The following AUTS2 variants were observed in gnomAD, a reference collection of about 807,000 sequenced individuals.
AUTS2 encodes activator of transcription and developmental regulator AUTS2.
A neutral mutation model predicts 112.4 loss-of-function variants in AUTS2; 17 were observed. The ratio of observed to expected loss-of-function variants is 0.15; its 90% confidence interval spans 0.10 to 0.23. The LOEUF is 0.23. AUTS2 is among the 10% of genes least tolerant of loss of function. The pLI, the probability that AUTS2 is intolerant of heterozygous loss-of-function variation, is 1.00. For missense variants in AUTS2, 1,510 were observed against 1,701.6 expected (o/e 0.89, Z 1.98); for synonymous variants, 751 against 702.7 (o/e 1.07, Z -1.09).
At chr7:70,789,301 T>C (rs889690491) in intron 18 of AUTS2, among the ~76,000 whole-genome samples, 4 of 152,192 alleles carry the variant, frequency 2.6e-5, no homozygotes, top group Admixed American at 6.5e-5. Flanking sequence ...GGTTCAGTGT[T>C]GCAAAGTTGG....
chr7:70,630,897 C>G (rs941422549), intron 5 of AUTS2, among the ~76,000 whole-genome samples: 3 of 152,182 alleles, frequency 2.0e-5, no homozygotes, highest in African/African-American at 7.2e-5. Context: ...TGAAAGAAAA[C>G]CACTCTGGTA....
chr7:70,375,739 ATTTGC>A (rs1348585587), intron 4 of AUTS2, among the ~76,000 whole-genome samples: 2 of 152,110 alleles, frequency 1.3e-5, no homozygotes, highest in East Asian at 3.9e-4. Flanking sequence ...GGTTGGTGAG[ATTTGC>A]TTTATTTCCT....
At chr7:70,171,939 G>T (rs962877588) in intron 4 of AUTS2, among the ~76,000 whole-genome samples, 1 of 150,076 alleles carries the variant, frequency 6.7e-6, no homozygotes, top group South Asian at 2.1e-4. Context: ...TTCTTTTCTT[G>T]GTCAGAGCTT....
intron 2 of AUTS2, among the ~76,000 whole-genome samples, chr7:69,951,597 G>C (rs558407429): frequency 4.6e-5 from 7 of 152,106 alleles, no homozygotes; most frequent in Admixed American, 6.6e-5. Context: ...AAGGCTGTTT[G>C]AGAAACAGCC....
intron 1 of AUTS2, among the ~76,000 whole-genome samples, chr7:69,601,315 A>G (rs1230888332): frequency 2.7e-5 from 4 of 150,296 alleles, no homozygotes; most frequent in Admixed American, 6.6e-5. Context: ...TTGCGTTATT[A>G]TGGTATTGTT....
intron 5 of AUTS2, among the ~76,000 whole-genome samples, chr7:70,479,910 G>A (rs539997871): frequency 2.0e-5 from 3 of 152,314 alleles, no homozygotes; most frequent in East Asian, 1.9e-4. Flanking sequence ...AGACGATAAC[G>A]AGGGTGATAT....
intron 2 of AUTS2, among the ~76,000 whole-genome samples, chr7:70,020,712 G>A (rs1054574257): frequency 6.6e-6 from 1 of 151,380 alleles, no homozygotes; most frequent in African/African-American, 2.4e-5. Context: ...TTCTTTTTGA[G>A]GTAGGGCCTC....
At chr7:70,662,446 T>C (rs1291599889) in intron 5 of AUTS2, among the ~76,000 whole-genome samples, 1 of 152,168 alleles carries the variant, frequency 6.6e-6, no homozygotes, top group African/African-American at 2.4e-5. Context: ...GCAGGTGACC[T>C]GCAGGATAAT....
At chr7:70,340,425 A>G (rs1247325915) in intron 4 of AUTS2, among the ~76,000 whole-genome samples, 1 of 152,028 alleles carries the variant, frequency 6.6e-6, no homozygotes, top group Non-Finnish European at 1.5e-5. Flanking sequence ...GAATCTCACT[A>G]TTTATTTCAC....
chr7:70,443,937 A>G (rs1796216458), intron 5 of AUTS2, among the ~76,000 whole-genome samples: 1 of 152,212 alleles, frequency 6.6e-6, no homozygotes. Flanking sequence ...GGTAATGACC[A>G]TTACTTGATC....
chr7:70,235,303 A>T (rs1409047499), intron 4 of AUTS2, among the ~76,000 whole-genome samples: 8 of 143,508 alleles, frequency 5.6e-5, no homozygotes, highest in South Asian at 2.2e-4. Context: ...ATGGCTAATT[A>T]AAAAAAAAAA....
intron 6 of AUTS2, among the ~76,000 whole-genome samples, chr7:70,724,482 G>A (rs1173281546): frequency 1.2e-5 from 1 of 86,792 alleles, no homozygotes; most frequent in Non-Finnish European, 2.2e-5. Flanking sequence ...GTCTCGCTTT[G>A]TCGCCCAGGC....
At chr7:70,355,038 G>A (rs1791936808) in intron 4 of AUTS2, among the ~76,000 whole-genome samples, 2 of 150,090 alleles carry the variant, frequency 1.3e-5, no homozygotes, top group South Asian at 4.3e-4. Flanking sequence ...GGGTGTGTGT[G>A]TATGTATGTG....
intron 2 of AUTS2, among the ~76,000 whole-genome samples, chr7:69,927,611 A>G (rs1182107447): frequency 2.6e-5 from 4 of 152,032 alleles, no homozygotes. Flanking sequence ...TGTGCTACCA[A>G]CCTCGGTCCT....
chr7:70,030,242 TTGAATTGTACAA>T (rs1466849924), intron 2 of AUTS2, among the ~76,000 whole-genome samples: 1 of 152,196 alleles, frequency 6.6e-6, no homozygotes, highest in Non-Finnish European at 1.5e-5. Flanking sequence ...GTGAAAACCA[TTGAATTGTACAA>T]TGAATGTGAT....
At chr7:69,638,632 C>A (rs1406335024) in intron 1 of AUTS2, among the ~76,000 whole-genome samples, 1 of 151,674 alleles carries the variant, frequency 6.6e-6, no homozygotes, top group Admixed American at 6.6e-5. Flanking sequence ...TTCTTTTTTC[C>A]TTACTTTCTT....
rs1056550806 is a variant in AUTS2, at chr7:69,896,437, A to G, written c.310-2849A>G. On this transcript the variant is annotated intron_variant, in intron 1 of 18. Transcript: ENST00000342771. The stretch of plus-strand genomic sequence containing the variant: ...CTGCTTATTTGCCTTGTGGACTGTT[A>G]TCTTTGATATCTTCTTACTCTTAAG... Among the ~76,000 whole-genome samples the G allele has an allele frequency of 2.3e-4, 35 of 152,148 alleles. No homozygotes were observed. The Middle Eastern group carries it at 0.024, about 104-fold the overall frequency.
intron 2 of AUTS2, among the ~76,000 whole-genome samples, chr7:70,058,464 A>C (rs978768627): frequency 6.6e-6 from 1 of 152,178 alleles, no homozygotes; most frequent in Admixed American, 6.5e-5. Flanking sequence ...GCATTATTTC[A>C]ATTCCAAGAG....
chr7:70,265,492 A>C (rs1275819571), intron 4 of AUTS2, among the ~76,000 whole-genome samples: 1 of 152,192 alleles, frequency 6.6e-6, no homozygotes. Flanking sequence ...AAAAAAAGTT[A>C]TCTCTCTGCT....
Sources: allele counts gnomAD v4.1 joint callset (sites outside exome capture counted in the v4.1 genomes callset), GRCh38; gene constraint gnomAD v4.1.1; transcripts MANE v1.5; gene names NCBI Gene and HGNC (gene_info 2026-07-23, HGNC 2026-07-21).